Variants in RMC1 observed in about 807,000 individuals in gnomAD.
RMC1 encodes the protein regulator of MON1-CCZ1 complex.
A neutral mutation model predicts 95.5 loss-of-function variants in RMC1; 44 were observed. That is an observed-to-expected ratio of 0.46 (90% CI 0.36 to 0.59). The LOEUF (loss-of-function observed/expected upper bound fraction) is 0.59, where lower values mean the gene tolerates loss of function less well. Ranked by LOEUF, RMC1 falls within the 20% of genes least tolerant of loss-of-function variation. The pLI is 0.00. For synonymous variants in RMC1, 320 were observed against 303.6 expected, an observed-to-expected ratio of 1.05 and a Z score of -0.56; for missense variants, 705 against 819.6, an observed-to-expected ratio of 0.86 and a Z score of 1.71.
intron 5 of RMC1, among the ~76,000 whole-genome samples, chr18:23,513,984 C>G (rs1235306490): frequency 6.6e-6 from 1 of 152,204 alleles, no homozygotes; most frequent in East Asian, 1.9e-4. Context: ...CCTTTCCACT[C>G]TGTGGATTGT....
At chr18:23,527,966 A>AT in intron 14 of RMC1, 65 bp downstream of exon 14, 1 of 1,302,806 alleles carries the variant, frequency 7.7e-7, no homozygotes, top group East Asian at 2.4e-5. Context: ...TTTTCTAAGT[A>AT]ATTATGATGC....
At chr18:23,505,699 C>A (rs1179442107) in intron 2 of RMC1, among the ~76,000 whole-genome samples, 2 of 152,096 alleles carry the variant, frequency 1.3e-5, no homozygotes, top group African/African-American at 4.8e-5. Flanking sequence ...TGAAGAGCAG[C>A]GCTCTGGTGG....
rs544891687 is a variant in RMC1 at position 23,503,633 on chromosome 18, C to T, written c.15C>T (p.Asp5=). Residue 5 remains aspartate (D), a synonymous_variant, in exon 1 of 20, where the codon GAC becomes GAT. Transcript: ENST00000269221. ...CGGCGCCCGCCATGGGCGAGGAGGA[C>T]TACTATCTGGAGCTGTGCGAGCGGC... The part of the protein sequence containing the change: MGEE[D]YYLELCERPV... The T allele has an allele frequency of 1.3e-6, 2 of 1,575,922 alleles. No homozygotes were observed. The highest frequency in any genetic ancestry group is 2.5e-5 in the East Asian group (1 of 39,908).
chr18:23,504,434 C>T lies in RMC1; in HGVS notation c.166C>T (p.Pro56Ser). ...AGTTAAAGGCCCAGATGATAGGAAT[C>T]CCATCTCATTTAGGTAATGGTATAG... is the stretch of plus-strand genomic sequence containing the variant. ...VVVKGPDDRNPISFRMDDKGE... is the reference protein window; with the variant it reads ...VVVKGPDDRNSISFRMDDKGE... The change falls in exon 2 of 20, where the codon CCC (proline) becomes TCC (serine). Residue 56 changes from proline to serine, a missense_variant. Coordinates refer to ENST00000269221, the MANE Select transcript of RMC1 (RefSeq NM_013326.5). The T allele has an allele frequency of 1.2e-6, 2 of 1,613,102 alleles. No homozygotes were observed. The highest frequency in any genetic ancestry group is 1.1e-5 in the South Asian group (1 of 91,054).
intron 14 of RMC1, 42 bp from the exon 15 acceptor site, chr18:23,529,137 C>T: frequency 6.3e-7 from 1 of 1,595,774 alleles, no homozygotes; most frequent in Non-Finnish European, 8.5e-7. Flanking sequence ...CACCCTTCCT[C>T]TAAGATGCCG....
intron 4 of RMC1, 61 bp from the exon 5 acceptor site, chr18:23,509,132 G>T: frequency 1.8e-6 from 1 of 566,662 alleles, no homozygotes; most frequent in Non-Finnish European, 2.7e-6. Context: ...TGAAGCTTTT[G>T]AAGAGAGTTA....
At chr18:23,520,078 C>T in intron 9 of RMC1, 124 bp from the exon 10 acceptor site, 1 of 695,546 alleles carries the variant, frequency 1.4e-6, no homozygotes, top group Non-Finnish European at 2.6e-6. Context: ...TAAGAGCTAG[C>T]CTGTAGGGAG....
chr18:23,516,027 C>CT, intron 6 of RMC1, 31 bp downstream of exon 6: 1 of 1,613,882 alleles, frequency 6.2e-7, no homozygotes, highest in Non-Finnish European at 8.5e-7. Context: ...AAAAAAACAC[C>CT]TTTCCCCAGT....
chr18:23,507,910 T>G lies in RMC1; in HGVS notation c.265-75T>G, dbSNP rs562272343. Reference sequence around the variant, plus strand: ...AAGTTAATATTTATTTTTCTTGTCTTGTAGTATGCCAACGTAGGTTGGCAG... The same window carrying G: ...AAGTTAATATTTATTTTTCTTGTCTGGTAGTATGCCAACGTAGGTTGGCAG... On this transcript the variant is annotated intron_variant, in intron 3 of 19. Coordinates refer to ENST00000269221, the MANE Select transcript of RMC1 (RefSeq NM_013326.5). 116 of 1,345,224 alleles carry G rather than the reference T, an allele frequency of 8.6e-5. No homozygotes were observed. In the African/African-American group the frequency reaches 1.5e-3, roughly 18 times the overall value. 83.3% of individuals were successfully genotyped at this position (1,345,224 alleles called of 1,614,324 possible).
intron 7 of RMC1, among the ~76,000 whole-genome samples, chr18:23,517,267 A>G (rs1344730479): frequency 1.3e-5 from 2 of 151,672 alleles, no homozygotes; most frequent in Non-Finnish European, 2.9e-5. Flanking sequence ...CTCCTGCCTC[A>G]GCCTCCCGAG....
chr18:23,515,830 A>C lies in RMC1; in HGVS notation c.409-26A>C, dbSNP rs1453046301. The C allele has an allele frequency of 4.3e-6, 7 of 1,613,382 alleles. No individual in the cohort carries two copies. The South Asian group carries it at 6.6e-5, about 15-fold the overall frequency. On this transcript the variant is annotated intron_variant, in intron 5 of 19. Transcript: ENST00000269221. The stretch of plus-strand genomic sequence containing the variant: ...TTAGTTTGCCGTTTTTTAAATGAAG[A>C]TCCTGTTTCTTAAACTCTGCTTCAG...
At chr18:23,522,284 T>C (rs1028626589) in intron 10 of RMC1, 2 of 152,232 alleles carry the variant, frequency 1.3e-5, no homozygotes, top group African/African-American at 4.8e-5. Context: ...AAAGAATAGA[T>C]TTTGCCAAGT....
At position 23,520,386 on chromosome 18, in the gene RMC1, G is replaced by GAC. The variant is rs538013793; in HGVS notation, c.961+74_961+75insCA. ...GCTGTGTTCTCACCATGATCTTTGG[G>GAC]AGTCACGTTAAAAGTGGAGTGAGGA... On this transcript the variant is annotated intron_variant, in intron 10 of 19. Transcript: ENST00000269221. 2,986 of 1,255,372 alleles carry GAC rather than the reference G, an allele frequency of 2.4e-3. 6 individuals carry two copies. The highest frequency in any genetic ancestry group is 3.0e-3 in the Non-Finnish European group (2,675 of 877,688). The allele number at this position is 1,255,372 out of a possible 1,614,324, so 77.8% of individuals were successfully genotyped here. A position where few individuals can be genotyped will look rare whatever the true frequency, so the allele number is the denominator to read the frequency against.
chr18:23,506,797 G>C (rs2057727991), intron 2 of RMC1, among the ~76,000 whole-genome samples, 173 bp from the exon 3 acceptor site: 1 of 152,292 alleles, frequency 6.6e-6, no homozygotes, highest in Admixed American at 6.5e-5. Flanking sequence ...GTTCTTTCCA[G>C]TTGGATTTGG....
At chr18:23,527,362 A>T (rs2058333539) in intron 13 of RMC1, among the ~76,000 whole-genome samples, 1 of 151,614 alleles carries the variant, frequency 6.6e-6, no homozygotes. Context: ...GTGTCAGTGT[A>T]CCTCCAGCCT....
chr18:23,524,095 CT>C, intron 10 of RMC1, 34 bp from the exon 11 acceptor site: 1 of 1,611,742 alleles, frequency 6.2e-7, no homozygotes, highest in Non-Finnish European at 8.5e-7. Context: ...CATTTTCTGA[CT>C]GCATCGTTGC....
In RMC1 at chr18:23,531,742, AG is replaced by A; in HGVS notation, c.*39del. 1 of 1,591,214 alleles carries A rather than the reference AG, an allele frequency of 6.3e-7. No individual in the cohort carries two copies. The highest frequency in any genetic ancestry group is 8.5e-7 in the Non-Finnish European group (1 of 1,173,318). On this transcript the variant is annotated 3_prime_UTR_variant, in exon 20 of 20. Coordinates refer to ENST00000269221, the MANE Select transcript of RMC1 (RefSeq NM_013326.5). ...TTTTTTTATATAAAAATGTGTACAA[AG>A]TTAATTTATTGCATTAATAAAGCTC...
chr18:23,504,553 C>G, intron 2 of RMC1, 106 bp downstream of exon 2: 1 of 1,005,250 alleles, frequency 9.9e-7, no homozygotes, highest in Admixed American at 1.9e-5. Context: ...CCCTAAGAGG[C>G]CTGAAGTCTG....
Position 23,529,623 on chromosome 18 carries a change from T to A in RMC1, c.1417-12T>A. Reference sequence around the variant, plus strand: ...CGTTGGTATTTGTAAGACCACATTTTTTTCTCCCTAGGAGATGCCTCATAA... The same window carrying A: ...CGTTGGTATTTGTAAGACCACATTTATTTCTCCCTAGGAGATGCCTCATAA... On this transcript the variant is annotated splice_polypyrimidine_tract_variant and intron_variant, in intron 15 of 19. Transcript: ENST00000269221. 6.2e-7 allele frequency: 1 copy of A among 1,612,452 alleles called. No homozygotes were observed. The highest frequency in any genetic ancestry group is 8.5e-7 in the Non-Finnish European group (1 of 1,178,532).
Sources: gnomAD v4.1 joint callset for allele counts (sites outside exome capture counted in the v4.1 genomes callset) on GRCh38, gnomAD v4.1.1 for gene constraint, MANE v1.5 for transcripts, NCBI Gene and HGNC (gene_info 2026-07-23, HGNC 2026-07-21) for gene names.